Variants in DPP10 observed in about 807,000 individuals in gnomAD.
The protein encoded by DPP10 is inactive dipeptidyl peptidase 10.
In DPP10, 33 loss-of-function variants were observed where a neutral mutation model predicts 120.9. That is an observed-to-expected ratio of 0.27 (90% CI 0.21 to 0.37). The LOEUF is 0.37. DPP10 is among the 10% of genes least tolerant of loss of function. The pLI, the probability that DPP10 is intolerant of heterozygous loss-of-function variation, is 1.00. For synonymous variants in DPP10, 337 were observed against 326.1 expected, an observed-to-expected ratio of 1.03 and a Z score of -0.36; for missense variants, 816 against 942.8, an observed-to-expected ratio of 0.87 and a Z score of 1.76.
At chr2:114,810,352 C>T (rs1685077016) in intron 1 of DPP10, among the ~76,000 whole-genome samples, 1 of 152,164 alleles carries the variant, frequency 6.6e-6, no homozygotes, top group East Asian at 1.9e-4. Flanking sequence ...GTAGTCTGAA[C>T]AAGCGCCTTC....
chr2:114,643,796 C>A (rs1174919903), intron 1 of DPP10, among the ~76,000 whole-genome samples: 2 of 151,372 alleles, frequency 1.3e-5, no homozygotes, highest in African/African-American at 4.9e-5. Flanking sequence ...CTTTGCCTTT[C>A]TTTTCACCAC....
intron 1 of DPP10, among the ~76,000 whole-genome samples, chr2:115,297,014 T>C (rs1244270145): frequency 6.6e-6 from 1 of 152,048 alleles, no homozygotes; most frequent in East Asian, 1.9e-4. Context: ...TTCTTCAACT[T>C]TGTGAGATGT....
intron 1 of DPP10, among the ~76,000 whole-genome samples, chr2:114,950,474 T>C (rs983063074): frequency 3.3e-5 from 5 of 151,516 alleles, no homozygotes; most frequent in African/African-American, 4.9e-5. Flanking sequence ...TTTTTATTTT[T>C]TTTTTGTATT....
rs552980653 is a variant in DPP10, at chr2:115,076,178, G to T, written c.61-233061G>T. On this transcript the variant is annotated intron_variant, in intron 1 of 25. Coordinates refer to ENST00000410059, the MANE Select transcript of DPP10 (RefSeq NM_020868.6). ...AAATATATGTCAGACATTCAGGTAAGAATAAAATATTATAAAAAGTATTAT... is the reference window on the plus strand; with the variant it reads ...AAATATATGTCAGACATTCAGGTAATAATAAAATATTATAAAAAGTATTAT... Among the ~76,000 whole-genome samples, 3 of 151,916 alleles carry T rather than the reference G, an allele frequency of 2.0e-5. No individual in the cohort carries two copies. In the South Asian group the frequency reaches 6.2e-4, roughly 32 times the overall value.
chr2:114,694,139 C>T, intron 1 of DPP10, among the ~76,000 whole-genome samples: 1 of 151,838 alleles, frequency 6.6e-6, no homozygotes, highest in East Asian at 1.9e-4. Context: ...GGGAAAATTA[C>T]CTTTCTTTGA....
At chr2:115,303,896 G>T (rs1330587760) in intron 1 of DPP10, among the ~76,000 whole-genome samples, 1 of 151,862 alleles carries the variant, frequency 6.6e-6, no homozygotes, top group African/African-American at 2.4e-5. Context: ...CATTTCTTAG[G>T]TGTGTTGTAA....
At chr2:114,813,967 C>CAG in intron 1 of DPP10, among the ~76,000 whole-genome samples, 1 of 151,842 alleles carries the variant, frequency 6.6e-6, no homozygotes, top group African/African-American at 2.4e-5. Flanking sequence ...CACACACACA[C>CAG]ACACACACAC....
intron 1 of DPP10, among the ~76,000 whole-genome samples, chr2:115,217,707 A>T (rs2056914209): frequency 6.6e-6 from 1 of 152,174 alleles, no homozygotes; most frequent in South Asian, 2.1e-4. Context: ...CTTTTTGGAA[A>T]ATCACACCAT....
intron 5 of DPP10, among the ~76,000 whole-genome samples, chr2:115,630,554 G>A (rs2085768883): frequency 6.6e-6 from 1 of 152,034 alleles, no homozygotes; most frequent in South Asian, 2.1e-4. Context: ...GTAATAAATG[G>A]CTCTTATTTT....
chr2:115,313,687 A>C (rs1369364643), intron 2 of DPP10, among the ~76,000 whole-genome samples: 2 of 152,252 alleles, frequency 1.3e-5, no homozygotes, highest in Non-Finnish European at 2.9e-5. Context: ...ATTTTATTAC[A>C]GAAGTAGTTT....
chr2:115,296,295 G>A (rs1467583516), intron 1 of DPP10, among the ~76,000 whole-genome samples: 1 of 152,122 alleles, frequency 6.6e-6, no homozygotes, highest in Admixed American at 6.6e-5. Context: ...GTTACCAGGC[G>A]CAAATTAGTA....
At chr2:115,046,737 CTTAAATGTACAG>C (rs1705099805) in intron 1 of DPP10, among the ~76,000 whole-genome samples, 1 of 152,004 alleles carries the variant, frequency 6.6e-6, no homozygotes, top group Non-Finnish European at 1.5e-5. Context: ...ATATAATTAA[CTTAAATGTACAG>C]AGGCATTATA....
intron 1 of DPP10, among the ~76,000 whole-genome samples, chr2:115,243,481 C>T (rs956543672): frequency 4.6e-5 from 7 of 151,906 alleles, no homozygotes; most frequent in Admixed American, 3.9e-4. Flanking sequence ...TTTTTATTTT[C>T]TCACATTTTC....
chr2:114,906,770 T>G (rs1694000188), intron 1 of DPP10, among the ~76,000 whole-genome samples: 1 of 152,178 alleles, frequency 6.6e-6, no homozygotes, highest in Non-Finnish European at 1.5e-5. Flanking sequence ...AGTATTTTGT[T>G]AGGTTCTCTA....
At position 114,918,346 on chromosome 2, in the gene DPP10, G is replaced by T. The variant is rs114694385; in HGVS notation, c.61-390893G>T. Among the ~76,000 whole-genome samples, 408 of 152,260 alleles carry T rather than the reference G, an allele frequency of 2.7e-3. 3 individuals are homozygous for T. The highest frequency in any genetic ancestry group is 9.5e-3 in the African/African-American group (394 of 41,548). ...AAAAGGAAATTGTTATACATTGCTGGTGGGGATATAAGTTAGTTTAACCAC... is the reference window on the plus strand; with the variant it reads ...AAAAGGAAATTGTTATACATTGCTGTTGGGGATATAAGTTAGTTTAACCAC... On this transcript the variant is annotated intron_variant, in intron 1 of 25. Coordinates refer to ENST00000410059, the MANE Select transcript of DPP10 (RefSeq NM_020868.6).
chr2:114,933,463 G>T (rs1376723491), intron 1 of DPP10, among the ~76,000 whole-genome samples: 1 of 152,180 alleles, frequency 6.6e-6, no homozygotes, highest in African/African-American at 2.4e-5. Flanking sequence ...AAGACACTGA[G>T]ATTCTAAACT....
chr2:115,086,762 T>C (rs767626527), intron 1 of DPP10, among the ~76,000 whole-genome samples: 18 of 152,096 alleles, frequency 1.2e-4, no homozygotes, highest in Non-Finnish European at 2.5e-4. Flanking sequence ...GCCAAATCAA[T>C]GTATTTCTTA....
intron 1 of DPP10, among the ~76,000 whole-genome samples, chr2:114,588,632 T>A (rs890354775): frequency 6.6e-6 from 1 of 152,162 alleles, no homozygotes; most frequent in African/African-American, 2.4e-5. Context: ...ATATGTACAA[T>A]GTCATTTAAA....
intron 5 of DPP10, among the ~76,000 whole-genome samples, chr2:115,532,666 G>A (rs2078540355): frequency 6.6e-6 from 1 of 151,882 alleles, no homozygotes; most frequent in Non-Finnish European, 1.5e-5. Flanking sequence ...ATTCTGGAAT[G>A]CCTTTTAATG....
Sources: allele counts gnomAD v4.1 joint callset (sites outside exome capture counted in the v4.1 genomes callset), GRCh38; gene constraint gnomAD v4.1.1; transcripts MANE v1.5; gene names NCBI Gene and HGNC (gene_info 2026-07-23, HGNC 2026-07-21).